Variants in SCN10A observed in about 807,000 individuals in gnomAD.
The protein encoded by SCN10A is sodium channel protein type 10 subunit alpha.
In SCN10A, 162 loss-of-function variants were observed where a neutral mutation model predicts 170.7. The ratio of observed to expected loss-of-function variants is 0.95; its 90% CI spans 0.84 to 1.08. SCN10A has a LOEUF of 1.08. Among genes scored for constraint, SCN10A ranks in the 50% least tolerant of loss-of-function variants. The pLI is 0.00. For synonymous variants in SCN10A, 985 were observed against 904.6 expected, an observed-to-expected ratio of 1.09 and a Z score of -1.59; for missense variants, 2,527 against 2,436.9, an observed-to-expected ratio of 1.04 and a Z score of -0.78.
intron 15 of SCN10A, among the ~76,000 whole-genome samples, chr3:38,736,975 T>TTG (rs2063570346): frequency 9.5e-6 from 1 of 105,190 alleles, no homozygotes; most frequent in African/African-American, 3.7e-5. Flanking sequence ...TTTTTTTTTT[T>TTG]TTTTTTTTTT....
intron 21 of SCN10A, among the ~76,000 whole-genome samples, chr3:38,716,558 C>T (rs1420619461): frequency 6.6e-6 from 1 of 152,000 alleles, no homozygotes; most frequent in Non-Finnish European, 1.5e-5. Context: ...TTATAAATTG[C>T]CCAGTCTTAG....
chr3:38,786,067 T>C (rs2064197499), intron 4 of SCN10A, among the ~76,000 whole-genome samples: 3 of 152,172 alleles, frequency 2.0e-5, no homozygotes, highest in Non-Finnish European at 2.9e-5. Context: ...GAAGACAGTG[T>C]GGTGATTCCT....
intron 4 of SCN10A, among the ~76,000 whole-genome samples, chr3:38,781,116 C>G (rs778544716): frequency 6.6e-6 from 1 of 152,046 alleles, no homozygotes; most frequent in Non-Finnish European, 1.5e-5. Context: ...GTTGTCGTCT[C>G]TTATTCTATG....
At chr3:38,751,938 G>C (rs1157245101) in intron 12 of SCN10A, among the ~76,000 whole-genome samples, 1 of 152,180 alleles carries the variant, frequency 6.6e-6, no homozygotes, top group Non-Finnish European at 1.5e-5. Context: ...GTGATGTTGA[G>C]TGGGGACAGA....
At chr3:38,718,092 G>T (rs2063351163) in intron 21 of SCN10A, among the ~76,000 whole-genome samples, 1 of 152,200 alleles carries the variant, frequency 6.6e-6, no homozygotes, top group Non-Finnish European at 1.5e-5. Flanking sequence ...TAAGCTCAGT[G>T]GTTCTAAGCC....
intron 3 of SCN10A, 60 bp downstream of exon 3, chr3:38,791,990 T>C (rs2064287382): frequency 2.5e-6 from 4 of 1,594,286 alleles, no homozygotes; most frequent in Non-Finnish European, 3.4e-6. Flanking sequence ...AAGAAGGTAC[T>C]GGACACAGTA....
At chr3:38,704,044 A>G (rs1228062283) in intron 26 of SCN10A, among the ~76,000 whole-genome samples, 1 of 152,244 alleles carries the variant, frequency 6.6e-6, no homozygotes, top group Non-Finnish European at 1.5e-5. Flanking sequence ...CCAAGGGTAC[A>G]TACTGAATGT....
chr3:38,752,601 T>C (rs1336487827), intron 11 of SCN10A, 89 bp from the exon 12 acceptor site: 9 of 1,074,082 alleles, frequency 8.4e-6, no homozygotes, highest in Non-Finnish European at 1.2e-5. Context: ...TACTCCCATT[T>C]CCCTGCCCCT....
rs779692735 is a variant in SCN10A at position 38,697,774 on chromosome 3, C to T, written c.5446G>A (p.Gly1816Arg). The change falls in exon 28 of 28, where the codon GGG becomes AGG. Residue 1816 changes from glycine (G) to arginine (R), a missense_variant. Coordinates refer to ENST00000449082, the MANE Select transcript of SCN10A (RefSeq NM_006514.4). ...TTTGCCTTCAGAGAATCCAACTCCC[C>T]GGATTCTCCTAGGACATTCTTGGTG... The part of the protein sequence containing the change: ...AFTKNVLGES[G>R]ELDSLKANME... 4.6e-5 allele frequency: 74 copies of T among 1,613,996 alleles called. No individual in the cohort carries two copies. In the Admixed American group the frequency reaches 8.5e-4, roughly 19 times the overall value.
At chr3:38,770,269 GTAAA>G (rs753445557) in intron 5 of SCN10A, among the ~76,000 whole-genome samples, 2 of 152,156 alleles carry the variant, frequency 1.3e-5, no homozygotes, top group Non-Finnish European at 1.5e-5. Context: ...GTTGGCCAGG[GTAAA>G]TATTTTAGTT....
At chr3:38,815,495 G>T (rs979731099) in intron 1 of SCN10A, among the ~76,000 whole-genome samples, 4 of 152,174 alleles carry the variant, frequency 2.6e-5, no homozygotes, top group African/African-American at 9.7e-5. Context: ...CCACTGCTCT[G>T]ATCCTGATCC....
chr3:38,804,315 C>T (rs553440053), intron 1 of SCN10A, among the ~76,000 whole-genome samples: 3 of 152,232 alleles, frequency 2.0e-5, no homozygotes, highest in South Asian at 4.1e-4. Context: ...GAAGACTCCC[C>T]GACCATCCTT....
chr3:38,757,446 C>G (rs931176342), intron 8 of SCN10A, among the ~76,000 whole-genome samples: 19 of 152,328 alleles, frequency 1.2e-4, no homozygotes, highest in African/African-American at 4.6e-4. Flanking sequence ...CAGTTCATAC[C>G]AGGGAAATGA....
Position 38,742,426 on chromosome 3 carries a change from A to G in SCN10A, c.1971T>C (p.Ile657=), listed in dbSNP as rs374813942. 3.7e-6 allele frequency: 6 copies of G among 1,614,014 alleles called. No individual in the cohort carries two copies. The African/African-American group carries it at 8.0e-5, about 22-fold the overall frequency. Residue 657 remains isoleucine, a synonymous_variant, in exon 14 of 28, where the codon ATT becomes ATC. Transcript: ENST00000449082. The part of the protein sequence containing the change: ...CCPMWVKLKT[I]LFGLVTDPFA... ...AGGGATCCGTCACAAGCCCAAAGAG[A>G]ATTGTCTTGAGCTTCACCCACATGG...
At chr3:38,775,175 A>G (rs1329021109) in intron 4 of SCN10A, among the ~76,000 whole-genome samples, 1 of 152,200 alleles carries the variant, frequency 6.6e-6, no homozygotes. Flanking sequence ...TTGTGGAACT[A>G]TCACCACTAT....
chr3:38,781,279 C>G (rs1191098831), intron 4 of SCN10A, among the ~76,000 whole-genome samples: 2 of 152,058 alleles, frequency 1.3e-5, no homozygotes, highest in Non-Finnish European at 2.9e-5. Context: ...AAGTCGTGGT[C>G]ACTGCTTGGT....
At chr3:38,789,463 G>C (rs994600819) in intron 3 of SCN10A, among the ~76,000 whole-genome samples, 2 of 152,200 alleles carry the variant, frequency 1.3e-5, no homozygotes, top group African/African-American at 4.8e-5. Flanking sequence ...AAAATGGCCT[G>C]AAATTTCATC....
chr3:38,707,458 G>A (rs1018251595), intron 25 of SCN10A, 75 bp from the exon 26 acceptor site: 3 of 1,470,768 alleles, frequency 2.0e-6, no homozygotes, highest in Non-Finnish European at 2.8e-6. Context: ...AGGCAGGAGA[G>A]AAAGGATCAT....
intron 1 of SCN10A, among the ~76,000 whole-genome samples, chr3:38,805,731 TCCTTCGAGA>T (rs1292356894): frequency 1.3e-5 from 2 of 152,146 alleles, no homozygotes; most frequent in African/African-American, 2.4e-5. Context: ...TCCTGCCCAG[TCCTTCGAGA>T]CCTAGTCTCA....
Sources: gnomAD v4.1 joint callset for allele counts (sites outside exome capture counted in the v4.1 genomes callset) on GRCh38, gnomAD v4.1.1 for gene constraint, MANE v1.5 for transcripts, NCBI Gene and HGNC (gene_info 2026-07-23, HGNC 2026-07-21) for gene names.